The following CR1 variants were observed in gnomAD, a reference collection of about 807,000 sequenced individuals.
The protein encoded by CR1 is complement C3b/C4b receptor 1 (Knops blood group).
Under a neutral mutation model 187.3 loss-of-function variants are expected in CR1, and 116 were observed. The observed-to-expected ratio is 0.62, with a 90% confidence interval of 0.53 to 0.72. The LOEUF (loss-of-function observed/expected upper bound fraction) is 0.72, where lower values mean the gene tolerates loss of function less well. Ranked by LOEUF, CR1 falls within the 30% of genes least tolerant of loss-of-function variation. The pLI is 0.00. For missense variants in CR1, 1,731 were observed against 2,110.7 expected, an observed-to-expected ratio of 0.82 and a Z score of 3.52; for synonymous variants, 576 against 747.1, an observed-to-expected ratio of 0.77 and a Z score of 3.73.
chr1:207,506,657 TA>T, intron 2 of CR1, 56 bp from the exon 3 acceptor site: 2 of 1,459,612 alleles, frequency 1.4e-6, no homozygotes, highest in Non-Finnish European at 1.9e-6. Flanking sequence ...CCTTATGTAC[TA>T]AAAAAAGTTT....
Position 207,581,922 on chromosome 1 carries a change from C to T in CR1, c.5221C>T (p.Arg1741Cys), listed in dbSNP as rs534155454. The change falls in exon 32 of 47, where the codon CGC (arginine) becomes TGC (cysteine). Residue 1741 changes from arginine to cysteine, a missense_variant. Transcript: ENST00000367049. ...CACTACTGCTTTGTTCTTTAGGTTTCGCTTAAAGGGCAGTTCCGTTAGTCA... is the reference window on the plus strand; with the variant it reads ...CACTACTGCTTTGTTCTTTAGGTTTTGCTTAAAGGGCAGTTCCGTTAGTCA... ...KVSFVCDEGF[R>C]LKGSSVSHCV... 46 of 1,612,036 alleles carry T rather than the reference C, an allele frequency of 2.9e-5. No homozygotes were observed. The South Asian group carries it at 3.5e-4, about 12-fold the overall frequency.
At chr1:207,602,011 T>C (rs1265344045) in intron 35 of CR1, among the ~76,000 whole-genome samples, 4 of 152,176 alleles carry the variant, frequency 2.6e-5, no homozygotes. Flanking sequence ...CAGTGCTTTT[T>C]GTGGTTAGCC....
intron 3 of CR1, 27 bp downstream of exon 3, chr1:207,506,840 T>G: frequency 8.4e-6 from 13 of 1,555,222 alleles, no homozygotes; most frequent in Non-Finnish European, 1.2e-5. Flanking sequence ...TGAACCAACA[T>G]CTCTTGGTTC....
intron 3 of CR1, chr1:207,507,665 T>C (rs1250451007): frequency 6.6e-6 from 1 of 152,302 alleles, no homozygotes; most frequent in Admixed American, 6.5e-5. Flanking sequence ...TTCTCATTCA[T>C]TGCTGGTAGG....
chr1:207,586,644 T>C (rs899290037), intron 33 of CR1, among the ~76,000 whole-genome samples: 10 of 152,228 alleles, frequency 6.6e-5, no homozygotes, highest in African/African-American at 1.9e-4. Context: ...AATTCTTTAC[T>C]TCTTCCATCT....
At chr1:207,635,985 A>T (rs1662801164) in intron 46 of CR1, among the ~76,000 whole-genome samples, 1 of 152,104 alleles carries the variant, frequency 6.6e-6, no homozygotes, top group African/African-American at 2.4e-5. Flanking sequence ...AGGCAGAAGA[A>T]TTTTTCTTAG....
At chr1:207,574,660 G>T (rs562094600) in intron 27 of CR1, among the ~76,000 whole-genome samples, 2 of 152,160 alleles carry the variant, frequency 1.3e-5, no homozygotes, top group Non-Finnish European at 2.9e-5. Flanking sequence ...ACTAGAAAAT[G>T]TGAGACAGCA....
chr1:207,632,706 G>A (rs1662682966), intron 46 of CR1, among the ~76,000 whole-genome samples: 4 of 149,982 alleles, frequency 2.7e-5, no homozygotes. Context: ...GCTGAGGCAG[G>A]AGAATGGCGT....
intron 42 of CR1, among the ~76,000 whole-genome samples, chr1:207,619,249 G>A (rs1407734868): frequency 6.6e-6 from 1 of 150,846 alleles, no homozygotes; most frequent in Admixed American, 6.6e-5. Context: ...CAGGCATGGT[G>A]GTACATGCCT....
At chr1:207,509,449 C>A (rs889407287) in intron 3 of CR1, among the ~76,000 whole-genome samples, 4 of 142,858 alleles carry the variant, frequency 2.8e-5, no homozygotes, top group African/African-American at 1.0e-4. Flanking sequence ...GCCTTACTTC[C>A]TCCAAACATT....
intron 32 of CR1, among the ~76,000 whole-genome samples, chr1:207,584,433 T>C (rs1661048542): frequency 6.6e-6 from 1 of 152,210 alleles, no homozygotes; most frequent in Non-Finnish European, 1.5e-5. Flanking sequence ...GATGCTTAAT[T>C]TGGGAAAGGC....
At chr1:207,521,511 T>C (rs549548961) in intron 4 of CR1, among the ~76,000 whole-genome samples, 1 of 152,144 alleles carries the variant, frequency 6.6e-6, no homozygotes, top group Non-Finnish European at 1.5e-5. Context: ...TCCGGTTCAT[T>C]GATTTTCTTT....
chr1:207,618,074 G>A lies in CR1; in HGVS notation c.6893G>A (p.Cys2298Tyr). The A allele has an allele frequency of 1.9e-6, 3 of 1,612,688 alleles. No homozygotes were observed. The highest frequency in any genetic ancestry group is 2.5e-6 in the Non-Finnish European group (3 of 1,179,174). ...PRCELSVPAA[C>Y]PHPPKIQNGH... ...TTGTGTGGGAACTTGTTCTTAGCCT[G>A]CCCACATCCACCCAAGATCCAAAAC... Residue 2298 changes from cysteine (C) to tyrosine (Y), a missense_variant, in exon 42 of 47, where the codon TGC (cysteine) becomes TAC (tyrosine). By Grantham distance (194) the Cys-to-Tyr change is radical. This residue lies in a region of CR1 where 1,312 missense variants were observed against 1,379.6 expected (regional missense o/e 0.95). Transcript: ENST00000367049.
intron 27 of CR1, among the ~76,000 whole-genome samples, chr1:207,573,814 C>T (rs1385666550): frequency 2.0e-5 from 3 of 151,878 alleles, no homozygotes; most frequent in Non-Finnish European, 4.4e-5. Flanking sequence ...CCAAATGTTC[C>T]CTGAATGCAG....
At chr1:207,619,051 A>AAAAAG (rs1553301634) in intron 42 of CR1, among the ~76,000 whole-genome samples, 44 of 50,440 alleles carry the variant, frequency 8.7e-4, no homozygotes, top group African/African-American at 1.5e-3. Flanking sequence ...AAAAAAAAAA[A>AAAAAG]AAAAGAAAAG....
rs546001040 is a variant in CR1 at position 207,579,338 on chromosome 1, C to T, written c.4937-902C>T. Reference sequence around the variant, plus strand: ...CGATTCTTCTACCAACCCATGTTAGCCTTGTGCAACCACTGAGCTGGGAAG... The same window carrying T: ...CGATTCTTCTACCAACCCATGTTAGTCTTGTGCAACCACTGAGCTGGGAAG... On this transcript the variant is annotated intron_variant, in intron 29 of 46. Transcript: ENST00000367049. 1.9e-4 allele frequency among the ~76,000 whole-genome samples: 29 copies of T among 152,244 alleles called. 1 individual carries two copies. Among genetic ancestry groups the T allele is most frequent in the African/African-American group, 6.3e-4 (26 of 41,534 alleles).
At position 207,617,583 on chromosome 1, in the gene CR1, A is replaced by G. The variant is rs1389104079; in HGVS notation, c.6890-488A>G. Among the ~76,000 whole-genome samples, 30 of 40,512 alleles carry G rather than the reference A, an allele frequency of 7.4e-4. 2 individuals carry two copies. The highest frequency in any genetic ancestry group is 1.6e-3 in the African/African-American group (16 of 9,996). The allele number at this position is 40,512 out of a possible 152,430, so 26.6% of individuals were successfully genotyped here. ...TGTATATATATGTGTGTGTGTATAT[A>G]TATATATATATATATATATATATAT... On this transcript the variant is annotated intron_variant, in intron 41 of 46. Coordinates refer to ENST00000367049, the MANE Select transcript of CR1 (RefSeq NM_000651.6).
chr1:207,601,356 G>A (rs1048214773), intron 35 of CR1, among the ~76,000 whole-genome samples: 2 of 152,246 alleles, frequency 1.3e-5, no homozygotes, highest in Admixed American at 1.3e-4. Flanking sequence ...TTTACCAGGT[G>A]TAGTTTAAAA....
Position 207,523,911 on chromosome 1 carries a change from A to C in CR1, c.788A>C (p.Glu263Ala). ...RSLFSLNEVV[E>A]FRCQPGFVMK... ...TTATTTTCCTTAAATGAAGTTGTGG[A>C]GTTTAGGTGTCAGCCTGGCTTTGTC... is the stretch of plus-strand genomic sequence containing the variant. The change falls in exon 5 of 47, where the codon GAG becomes GCG. Residue 263 changes from glutamate to alanine, a missense_variant. Physicochemically the swap from Glu to Ala is moderately radical, Grantham distance 107 (BLOSUM62 -1). This residue lies in a region of CR1 where 131 missense variants were observed against 196.8 expected (regional missense o/e 0.67). Coordinates refer to ENST00000367049, the MANE Select transcript of CR1 (RefSeq NM_000651.6). The C allele has an allele frequency of 3.7e-6, 6 of 1,610,536 alleles. No individual in the cohort carries two copies. The highest frequency in any genetic ancestry group is 5.1e-6 in the Non-Finnish European group (6 of 1,178,842).
Sources: gnomAD v4.1 joint callset for allele counts (sites outside exome capture counted in the v4.1 genomes callset) on GRCh38, gnomAD v4.1.1 for gene constraint, gnomAD v4.1.1 regional missense constraint, MANE v1.5 for transcripts, NCBI Gene and HGNC (gene_info 2026-07-23, HGNC 2026-07-21) for gene names.